FLNB: variants seen among roughly 807,000 people sequenced by gnomAD.
FLNB encodes the protein filamin B, also known as filamin-B.
Under a neutral mutation model 250.6 loss-of-function variants are expected in FLNB, and 111 were observed. That is an observed-to-expected ratio of 0.44 (90% CI 0.38 to 0.52). The LOEUF is 0.52. Ranked by LOEUF, FLNB falls within the 20% of genes least tolerant of loss-of-function variation. The pLI is 0.00. For synonymous variants in FLNB, 1,302 were observed against 1,372.1 expected (o/e 0.95, Z 1.13); for missense variants, 2,869 against 3,447.8 (o/e 0.83, Z 4.20).
rs544343177 is a variant in FLNB, at chr3:58,171,519, G to T, written c.*757G>T. 1.3e-5 allele frequency: 2 copies of T among 152,396 alleles called. No individual in the cohort carries two copies. Among genetic ancestry groups the T allele is most frequent in the East Asian group, 1.9e-4 (1 of 5,184 alleles). 9.4% of individuals were successfully genotyped at this position (152,396 alleles called of 1,614,324 possible). The stretch of plus-strand genomic sequence containing the variant: ...GTTTCAGTCCCTTCCTTGGTCTGAA[G>T]AAATTCTGCAGTGGCGAGCAGTTTC... On this transcript the variant is annotated 3_prime_UTR_variant, in exon 46 of 46. Coordinates refer to ENST00000295956, the MANE Select transcript of FLNB (RefSeq NM_001457.4). The surrounding 1 kb of genome is among the most constrained non-coding windows in gnomAD (Gnocchi z 5.5).
intron 21 of FLNB, among the ~76,000 whole-genome samples, 197 bp downstream of exon 21, chr3:58,123,887 G>A (rs535870776): frequency 1.4e-4 from 21 of 152,180 alleles, no homozygotes; most frequent in East Asian, 3.9e-4. Flanking sequence ...TCTGGGGACC[G>A]TGCTACTCAA....
At chr3:58,050,684 C>T (rs1576635640) in intron 1 of FLNB, among the ~76,000 whole-genome samples, 1 of 152,192 alleles carries the variant, frequency 6.6e-6, no homozygotes, top group East Asian at 1.9e-4. Flanking sequence ...TGGCCTCCAT[C>T]CCACCTGACA....
chr3:58,093,255 A>G (rs1441846278), intron 4 of FLNB, among the ~76,000 whole-genome samples: 1 of 152,114 alleles, frequency 6.6e-6, no homozygotes, highest in Non-Finnish European at 1.5e-5. Context: ...TGAACACAGG[A>G]GCGTCTGTCC....
intron 4 of FLNB, among the ~76,000 whole-genome samples, chr3:58,091,321 A>G (rs1005193672): frequency 1.3e-5 from 2 of 152,246 alleles, no homozygotes; most frequent in Non-Finnish European, 2.9e-5. Flanking sequence ...AGAAGTCCAG[A>G]TTTTGTAGTA....
At chr3:58,112,378 G>A (rs541064187) in intron 18 of FLNB, 60 bp downstream of exon 18, 305 of 1,537,854 alleles carry the variant, frequency 2.0e-4, no homozygotes, top group South Asian at 2.7e-4. Context: ...CTATGCAGTC[G>A]GTGCTGGGTC....
rs140312259 is a variant in FLNB at position 58,123,026 on chromosome 3, G to A, written c.3127-67G>A. 434 of 1,376,840 alleles carry A rather than the reference G, an allele frequency of 3.2e-4. No individual in the cohort carries two copies. In the African/African-American group the frequency reaches 5.5e-3, roughly 17 times the overall value. The allele number at this position is 1,376,840 out of a possible 1,614,324, so 85.3% of individuals were successfully genotyped here. ...ACTTCCATGCTGATTATATGCATGG[G>A]TGTTGAAAGCAGTGCTGGCTGAGCA... On this transcript the variant is annotated intron_variant, in intron 20 of 45. Coordinates refer to ENST00000295956, the MANE Select transcript of FLNB (RefSeq NM_001457.4).
At chr3:58,124,198 GAGTT>G (rs1304770629) in intron 21 of FLNB, 130 bp from the exon 22 acceptor site, 3 of 889,554 alleles carry the variant, frequency 3.4e-6, no homozygotes, top group Non-Finnish European at 5.6e-6. Flanking sequence ...CTTGATTTGA[GAGTT>G]AGAAAAACCA....
intron 1 of FLNB, among the ~76,000 whole-genome samples, chr3:58,053,236 A>C (rs1340966533): frequency 6.6e-6 from 1 of 152,180 alleles, no homozygotes; most frequent in African/African-American, 2.4e-5. Context: ...AATTTCAGAA[A>C]GACATTATTA....
chr3:58,154,175 C>A (rs1428640061), intron 39 of FLNB, among the ~76,000 whole-genome samples: 1 of 152,160 alleles, frequency 6.6e-6, no homozygotes, highest in Non-Finnish European at 1.5e-5. Flanking sequence ...AACTCCTGGG[C>A]TCAAGTGATC....
At chr3:58,109,469 A>T in intron 14 of FLNB, 107 bp from the exon 15 acceptor site, 1 of 1,602,370 alleles carries the variant, frequency 6.2e-7, no homozygotes, top group Admixed American at 1.7e-5. Context: ...CGAAGGGCAG[A>T]GTGCTCCAGC....
In FLNB at chr3:58,148,778, A is replaced by G. The variant is rs62621996; in HGVS notation, c.6017A>G (p.Lys2006Arg). 0.012 allele frequency: 18,911 copies of G among 1,613,994 alleles called. 140 individuals carry two copies. Among genetic ancestry groups the G allele is most frequent in the Admixed American group, 0.02 (1,177 of 60,012 alleles). ...QSEIGDARRA[K>R]VYGRGLSEGR... ...GAGATTGGTGACGCCCGCCGAGCCA[A>G]AGTCTATGGCCGCGGCCTGTCAGAA... Residue 2006 changes from lysine (K) to arginine (R), a missense_variant, in exon 36 of 46, where the codon AAA becomes AGA. Lys to Arg is a conservative substitution (Grantham distance 26). Transcript: ENST00000295956.
chr3:58,133,133 A>G (rs890006394), intron 26 of FLNB, among the ~76,000 whole-genome samples: 1 of 151,458 alleles, frequency 6.6e-6, no homozygotes, highest in Non-Finnish European at 1.5e-5. Context: ...CCATCCATCC[A>G]CCCATCCATT....
intron 8 of FLNB, among the ~76,000 whole-genome samples, chr3:58,099,722 A>G (rs2107066849): frequency 6.6e-6 from 1 of 152,278 alleles, no homozygotes; most frequent in East Asian, 1.9e-4. Flanking sequence ...ACTGGGCCAG[A>G]GGCCTCTTGC....
intron 4 of FLNB, among the ~76,000 whole-genome samples, chr3:58,083,961 A>C (rs1170904100): frequency 6.6e-6 from 1 of 152,174 alleles, no homozygotes; most frequent in East Asian, 1.9e-4. Context: ...TTGGAGGCTG[A>C]GGCAGGCAGA....
intron 19 of FLNB, among the ~76,000 whole-genome samples, chr3:58,120,468 C>A (rs181441609): frequency 6.6e-6 from 1 of 152,202 alleles, no homozygotes; most frequent in Non-Finnish European, 1.5e-5. Flanking sequence ...GTGGCAGGGG[C>A]CCTGTGTTCC....
At chr3:58,049,174 T>G (rs2097158497) in intron 1 of FLNB, among the ~76,000 whole-genome samples, 1 of 152,228 alleles carries the variant, frequency 6.6e-6, no homozygotes, top group Admixed American at 6.5e-5. Context: ...CTAAACGATT[T>G]GATGTTTATC....
In FLNB at chr3:58,043,145, T is replaced by TG. The variant is rs1221635670; in HGVS notation, c.293-33901_293-33900insG. ...CATTTTGGTAATTTGGCATTCCTTT[T>TG]TTTTTTTTTTTTTTTTTTTGAGACA... On this transcript the variant is annotated intron_variant, in intron 1 of 45. Transcript: ENST00000295956. 4.5e-3 allele frequency among the ~76,000 whole-genome samples: 641 copies of TG among 142,272 alleles called. 10 individuals carry two copies. Among genetic ancestry groups the TG allele is most frequent in the South Asian group, 4.7e-3 (20 of 4,258 alleles). 93.3% of individuals were successfully genotyped at this position (142,272 alleles called of 152,430 possible). A position where few individuals can be genotyped will look rare whatever the true frequency, so the allele number is the denominator to read the frequency against.
At chr3:58,063,788 C>T (rs2097181680) in intron 1 of FLNB, among the ~76,000 whole-genome samples, 1 of 152,086 alleles carries the variant, frequency 6.6e-6, no homozygotes, top group Admixed American at 6.6e-5. Flanking sequence ...CTGATTTCTC[C>T]CCTTTTAAAC....
In FLNB at chr3:58,159,702, G is replaced by A; in HGVS notation, c.7021+16G>A. 1 of 1,611,836 alleles carries A rather than the reference G, an allele frequency of 6.2e-7. No individual in the cohort carries two copies. ...CTGGAGCCAGGTGAGCAGGAGGCCT[G>A]CTGGGGGGTCCCAGCACCAGCACTT... On this transcript the variant is annotated intron_variant, in intron 42 of 45. Transcript: ENST00000295956.
Sources: allele counts gnomAD v4.1 joint callset (sites outside exome capture counted in the v4.1 genomes callset), GRCh38; gene constraint gnomAD v4.1.1; non-coding constraint Gnocchi (gnomAD v3.1); transcripts MANE v1.5; gene names NCBI Gene and HGNC (gene_info 2026-07-23, HGNC 2026-07-21).